The following IQCH variants were observed in gnomAD, a reference collection of about 807,000 sequenced individuals.
IQCH encodes the protein IQ domain-containing protein H.
Under a neutral mutation model 117.0 loss-of-function variants are expected in IQCH, and 98 were observed. The ratio of observed to expected loss-of-function variants is 0.84; its 90% CI spans 0.71 to 0.99. The LOEUF is 0.99. IQCH is among the 50% of genes least tolerant of loss of function. The pLI, the probability that IQCH is intolerant of heterozygous loss-of-function variation, is 0.00. For synonymous variants in IQCH, 412 were observed against 448.2 expected (o/e 0.92, Z 1.02); for missense variants, 1,102 against 1,243.8 (o/e 0.89, Z 1.72).
intron 4 of IQCH, among the ~76,000 whole-genome samples, chr15:67,302,435 T>A (rs1967092269): frequency 6.6e-6 from 1 of 152,168 alleles, no homozygotes; most frequent in Admixed American, 6.5e-5. Context: ...TATAATTAGG[T>A]ACGACATTAC....
In IQCH at chr15:67,261,262, A is replaced by G; in HGVS notation, c.52-10A>G. The G allele has an allele frequency of 2.0e-6, 3 of 1,499,706 alleles. No individual in the cohort carries two copies. Among genetic ancestry groups the G allele is most frequent in the East Asian group, 2.4e-5 (1 of 42,128 alleles). The allele number at this position is 1,499,706 out of a possible 1,614,324, so 92.9% of individuals were successfully genotyped here. On this transcript the variant is annotated splice_polypyrimidine_tract_variant and intron_variant, in intron 1 of 20. Transcript: ENST00000335894. ...ATTATTTCAATATTTTTCATTTTTT[A>G]TACCTATAGATCCATGAAGACCTTT...
intron 18 of IQCH, among the ~76,000 whole-genome samples, chr15:67,477,265 G>T (rs2083228122): frequency 6.6e-6 from 1 of 151,878 alleles, no homozygotes; most frequent in African/African-American, 2.4e-5. Context: ...TGGCCAGGAT[G>T]GTCTTGATCT....
intron 16 of IQCH, among the ~76,000 whole-genome samples, chr15:67,437,262 A>T (rs949436879): frequency 2.0e-5 from 3 of 152,238 alleles, no homozygotes; most frequent in Non-Finnish European, 4.4e-5. Flanking sequence ...GTGCCAATCC[A>T]GAGCCAGGTA....
intron 4 of IQCH, among the ~76,000 whole-genome samples, chr15:67,291,407 C>G (rs996252863): frequency 3.3e-5 from 5 of 152,034 alleles, no homozygotes; most frequent in African/African-American, 1.2e-4. Flanking sequence ...CTTCAACAGT[C>G]ATCTAATTCT....
At position 67,454,342 on chromosome 15, in the gene IQCH, G is replaced by A. The variant is rs540163822; in HGVS notation, c.2506-10785G>A. On this transcript the variant is annotated intron_variant, in intron 16 of 20. Transcript: ENST00000335894. This position sits in a 1 kb window ranked among gnomAD's most constrained non-coding sequence, Gnocchi z 5.2. ...TCGCTCACGCTGGGAGCTGTAGACC[G>A]GAGCTGTTCGTATTCGGCCATCTTG... 1.4e-4 allele frequency among the ~76,000 whole-genome samples: 21 copies of A among 152,336 alleles called. 1 individual carries two copies. In the East Asian group the frequency reaches 1.9e-3, roughly 14 times the overall value.
Position 67,395,596 on chromosome 15 carries a change from A to G in IQCH, c.1905+33A>G, listed in dbSNP as rs1382676116. The G allele has an allele frequency of 6.3e-7, 1 of 1,596,168 alleles. No homozygotes were observed. The highest frequency in any genetic ancestry group is 8.6e-7 in the Non-Finnish European group (1 of 1,167,838). ...GGGTGGACAAGTGAAGCTCTGTTCA[A>G]ATATTTGAAACATCCTCTTGATCTT... On this transcript the variant is annotated intron_variant, in intron 13 of 20. Transcript: ENST00000335894. This position sits in a 1 kb window ranked among gnomAD's most constrained non-coding sequence, Gnocchi z 4.0.
chr15:67,350,006 A>G (rs143330595), intron 6 of IQCH, among the ~76,000 whole-genome samples: 2 of 152,328 alleles, frequency 1.3e-5, no homozygotes, highest in Admixed American at 6.5e-5. Context: ...TGACCCAACA[A>G]TCTCACTCCT....
intron 5 of IQCH, among the ~76,000 whole-genome samples, chr15:67,343,734 A>G (rs557441237): frequency 1.3e-5 from 2 of 152,344 alleles, no homozygotes; most frequent in South Asian, 2.1e-4. Flanking sequence ...TAAAAAGAGT[A>G]ATAATATTAC....
intron 16 of IQCH, among the ~76,000 whole-genome samples, chr15:67,434,315 A>G (rs1187098148): frequency 6.6e-6 from 1 of 152,148 alleles, no homozygotes; most frequent in African/African-American, 2.4e-5. Flanking sequence ...TCCACATGTA[A>G]GTGAGATCAT....
rs1454170512 is a variant in IQCH, at chr15:67,472,292, G to A, written c.2677-3404G>A. ...ACCAGTCAGACTGGAGCACAGAACTGGGGAAGTGGGAAGCAGGAGAAGTAG... is the reference window on the plus strand; with the variant it reads ...ACCAGTCAGACTGGAGCACAGAACTAGGGAAGTGGGAAGCAGGAGAAGTAG... On this transcript the variant is annotated intron_variant, in intron 17 of 20. Transcript: ENST00000335894. The surrounding 1 kb of genome is among the most constrained non-coding windows in gnomAD (Gnocchi z 4.3). Among the ~76,000 whole-genome samples the A allele has an allele frequency of 6.6e-6, 1 of 152,206 alleles. No homozygotes were observed. Among genetic ancestry groups the A allele is most frequent in the African/African-American group, 2.4e-5 (1 of 41,458 alleles).
intron 5 of IQCH, among the ~76,000 whole-genome samples, chr15:67,343,747 A>G (rs757849982): frequency 6.6e-6 from 1 of 152,226 alleles, no homozygotes; most frequent in Admixed American, 6.5e-5. Context: ...AATATTACCA[A>G]TGATTGAAAA....
intron 4 of IQCH, among the ~76,000 whole-genome samples, chr15:67,312,096 A>G (rs1967623571): frequency 6.6e-6 from 1 of 152,150 alleles, no homozygotes; most frequent in African/African-American, 2.4e-5. Context: ...ACATACTGAG[A>G]GATAGTGTTT....
intron 1 of IQCH, among the ~76,000 whole-genome samples, chr15:67,255,862 A>G (rs976252458): frequency 2.0e-5 from 3 of 152,168 alleles, no homozygotes; most frequent in Non-Finnish European, 2.9e-5. Context: ...AGACTTCCCC[A>G]TTAAGAATCA....
chr15:67,444,146 G>A lies in IQCH; in HGVS notation c.2506-20981G>A, dbSNP rs150796128. Among the ~76,000 whole-genome samples the A allele has an allele frequency of 2.6e-5, 4 of 152,296 alleles. No individual in the cohort carries two copies. The East Asian group carries it at 7.7e-4, about 29-fold the overall frequency. ...TCTCTTATATGTCCTCAATATGCTTGTTGAATTGAGTTGAACAGCTTAAAG... is the reference window on the plus strand; with the variant it reads ...TCTCTTATATGTCCTCAATATGCTTATTGAATTGAGTTGAACAGCTTAAAG... On this transcript the variant is annotated intron_variant, in intron 16 of 20. Transcript: ENST00000335894.
Position 67,358,856 on chromosome 15 carries a change from G to A in IQCH, c.715-991G>A, listed in dbSNP as rs1327288656. On this transcript the variant is annotated intron_variant, in intron 7 of 20. Coordinates refer to ENST00000335894, the MANE Select transcript of IQCH (RefSeq NM_001031715.3). ...ATTGAAATCATCAAGAGGTTTCACT[G>A]TAATATCAGCACTGGTGGGCTGTGT... Among the ~76,000 whole-genome samples the A allele has an allele frequency of 2.6e-5, 4 of 152,234 alleles. No homozygotes were observed. The East Asian group carries it at 7.7e-4, about 29-fold the overall frequency.
intron 8 of IQCH, 111 bp from the exon 9 acceptor site, chr15:67,372,000 T>C: frequency 1.1e-6 from 1 of 941,514 alleles, no homozygotes; most frequent in Non-Finnish European, 1.6e-6. Context: ...CTAGGATTCA[T>C]ATCTTCCCAC....
At position 67,388,494 on chromosome 15, in the gene IQCH, G is replaced by C. The variant is rs1049310029; in HGVS notation, c.1457-337G>C. ...GTTAATGGAATAAATTTTTAAAGCA[G>C]TATGTGATTCCCATTGATGTTAATG... On this transcript the variant is annotated intron_variant, in intron 11 of 20. Coordinates refer to ENST00000335894, the MANE Select transcript of IQCH (RefSeq NM_001031715.3). This position sits in a 1 kb window ranked among gnomAD's most constrained non-coding sequence, Gnocchi z 5.5. Among the ~76,000 whole-genome samples the C allele has an allele frequency of 6.6e-6, 1 of 152,200 alleles. No individual in the cohort carries two copies. Among genetic ancestry groups the C allele is most frequent in the Non-Finnish European group, 1.5e-5 (1 of 68,038 alleles).
In IQCH at chr15:67,490,641, G is replaced by C. The variant is rs1214041925; in HGVS notation, c.2861+577G>C. ...ATGCATACACAGATAAGGCACATCAGATCTCACTGATGGGGACCCAGCTCA... is the reference window on the plus strand; with the variant it reads ...ATGCATACACAGATAAGGCACATCACATCTCACTGATGGGGACCCAGCTCA... On this transcript the variant is annotated intron_variant, in intron 19 of 20. Transcript: ENST00000335894. The surrounding 1 kb of genome is among the most constrained non-coding windows in gnomAD (Gnocchi z 4.9). 6.6e-6 allele frequency among the ~76,000 whole-genome samples: 1 copy of C among 152,204 alleles called. No individual in the cohort carries two copies. Among genetic ancestry groups the C allele is most frequent in the Non-Finnish European group, 1.5e-5 (1 of 68,038 alleles).
In IQCH at chr15:67,255,512, T is replaced by C. The variant is rs548983507; in HGVS notation, c.51+565T>C. Among the ~76,000 whole-genome samples, 3 of 152,380 alleles carry C rather than the reference T, an allele frequency of 2.0e-5. No homozygotes were observed. In the East Asian group the frequency reaches 5.8e-4, roughly 29 times the overall value. The stretch of plus-strand genomic sequence containing the variant: ...TGAGAGGGGAAATGTCAAGAAAGTC[T>C]TGTCCAATACAGCTCAATTTGTAAT... On this transcript the variant is annotated intron_variant, in intron 1 of 20. Transcript: ENST00000335894.
Sources: allele counts gnomAD v4.1 joint callset (sites outside exome capture counted in the v4.1 genomes callset), GRCh38; gene constraint gnomAD v4.1.1; non-coding constraint Gnocchi (gnomAD v3.1); transcripts MANE v1.5; gene names NCBI Gene and HGNC (gene_info 2026-07-23, HGNC 2026-07-21).